Variants in CDH12 observed in about 807,000 individuals in gnomAD.
The protein encoded by CDH12 is cadherin 12.
CDH12 carries 41 observed loss-of-function variants against 74.1 expected under a neutral mutation model. The ratio of observed to expected loss-of-function variants is 0.55; its 90% CI spans 0.43 to 0.72. The LOEUF (loss-of-function observed/expected upper bound fraction) is 0.72, where lower values mean the gene tolerates loss of function less well. CDH12 is among the 30% of genes least tolerant of loss of function. The probability of loss-of-function intolerance (pLI) is 0.00; values close to 1 mark genes in which losing one functional copy is unlikely to be tolerated. For synonymous variants in CDH12, 399 were observed against 355.0 expected (o/e 1.12, Z -1.39); for missense variants, 945 against 977.2 (o/e 0.97, Z 0.44).
chr5:22,541,699 C>T lies in CDH12; in HGVS notation c.-522-36335G>A, dbSNP rs551409516. ...CATTTTTAAAATCTCCACAAGTATA[C>T]CTTTCAAAATACATTTGCCTCCAGA... On this transcript the variant is annotated intron_variant, in intron 1 of 14. Transcript: ENST00000382254. Among the ~76,000 whole-genome samples, 3 of 152,284 alleles carry T rather than the reference C, an allele frequency of 2.0e-5. No individual in the cohort carries two copies. In the South Asian group the frequency reaches 6.2e-4, roughly 32 times the overall value.
intron 11 of CDH12, among the ~76,000 whole-genome samples, chr5:21,780,619 C>A (rs1745853422): frequency 6.6e-6 from 1 of 152,130 alleles, no homozygotes; most frequent in Non-Finnish European, 1.5e-5. Context: ...ACTGAATAAT[C>A]TTTTATTATG....
intron 4 of CDH12, among the ~76,000 whole-genome samples, chr5:22,188,258 C>G (rs537814845): frequency 1.3e-5 from 2 of 152,058 alleles, no homozygotes; most frequent in Non-Finnish European, 2.9e-5. Context: ...TGTAATAGAG[C>G]CAGTGTGCCC....
At chr5:22,162,545 G>C (rs1242723632) in intron 4 of CDH12, among the ~76,000 whole-genome samples, 1 of 152,188 alleles carries the variant, frequency 6.6e-6, no homozygotes, top group Non-Finnish European at 1.5e-5. Flanking sequence ...GTGTTGACCA[G>C]GCAGGCGTAA....
At chr5:22,411,375 A>C (rs1743162696) in intron 2 of CDH12, among the ~76,000 whole-genome samples, 1 of 151,912 alleles carries the variant, frequency 6.6e-6, no homozygotes, top group African/African-American at 2.4e-5. Flanking sequence ...CCCTGAAGTC[A>C]TTTACTTAAA....
chr5:22,756,500 A>G (rs1054118896), intron 1 of CDH12, among the ~76,000 whole-genome samples: 3 of 152,212 alleles, frequency 2.0e-5, no homozygotes, highest in African/African-American at 7.2e-5. Context: ...GAATATTAAA[A>G]AGAGAATATT....
At chr5:22,075,040 G>A (rs921935988) in intron 5 of CDH12, among the ~76,000 whole-genome samples, 19 of 152,088 alleles carry the variant, frequency 1.2e-4, no homozygotes, top group Non-Finnish European at 2.5e-4. Flanking sequence ...ATTCACAATA[G>A]CAAAGACTTG....
chr5:21,876,654 G>C (rs975564157), intron 6 of CDH12, among the ~76,000 whole-genome samples: 2 of 152,078 alleles, frequency 1.3e-5, no homozygotes, highest in African/African-American at 4.8e-5. Flanking sequence ...ATATTTAATA[G>C]TCCAAATGTT....
chr5:22,474,359 A>C lies in CDH12; in HGVS notation c.-428+30911T>G, dbSNP rs557342025. Among the ~76,000 whole-genome samples the C allele has an allele frequency of 1.3e-4, 20 of 152,308 alleles. No homozygotes were observed. In the South Asian group the frequency reaches 4.1e-3, roughly 32 times the overall value. ...ACACATGATGTCAGGGGAGTCAACC[A>C]AGAAAAACTGCAGAAATTAGACCAC... On this transcript the variant is annotated intron_variant, in intron 2 of 14. Coordinates refer to ENST00000382254, the MANE Select transcript of CDH12 (RefSeq NM_004061.5).
Position 22,649,279 on chromosome 5 carries a change from A to C in CDH12, c.-522-143915T>G, listed in dbSNP as rs75113258. On this transcript the variant is annotated intron_variant, in intron 1 of 14. Transcript: ENST00000382254. ...TTATTATGAATAGGCTTTGTTATTT[A>C]CCCTTACTTTTCCTTTTGTGAACTG... Among the ~76,000 whole-genome samples, 47 of 152,144 alleles carry C rather than the reference A, an allele frequency of 3.1e-4. 1 individual carries two copies. The East Asian group carries it at 8.9e-3, about 29-fold the overall frequency.
intron 3 of CDH12, among the ~76,000 whole-genome samples, chr5:22,226,646 G>A (rs906641740): frequency 2.0e-5 from 3 of 152,080 alleles, no homozygotes; most frequent in Non-Finnish European, 4.4e-5. Flanking sequence ...GATAACAAAT[G>A]GGTGTCCCAT....
At chr5:22,246,114 T>G (rs1752936756) in intron 3 of CDH12, among the ~76,000 whole-genome samples, 1 of 152,138 alleles carries the variant, frequency 6.6e-6, no homozygotes, top group African/African-American at 2.4e-5. Context: ...TACAACAAAA[T>G]TATACAGTGG....
chr5:22,832,085 A>G lies in CDH12; in HGVS notation c.-523+20973T>C, dbSNP rs990372586. On this transcript the variant is annotated intron_variant, in intron 1 of 14. Coordinates refer to ENST00000382254, the MANE Select transcript of CDH12 (RefSeq NM_004061.5). Reference sequence around the variant, plus strand: ...GTTATTACTGACTAGAATAAAAATAAAAAAAGTTATAAATCATATCTAAAA... The same window carrying G: ...GTTATTACTGACTAGAATAAAAATAGAAAAAGTTATAAATCATATCTAAAA... Among the ~76,000 whole-genome samples, 3 of 152,164 alleles carry G rather than the reference A, an allele frequency of 2.0e-5. No individual in the cohort carries two copies. The East Asian group carries it at 5.8e-4, about 29-fold the overall frequency.
At chr5:22,154,453 A>AG (rs1747865100) in intron 4 of CDH12, among the ~76,000 whole-genome samples, 1 of 1,078 alleles carries the variant, frequency 9.3e-4, no homozygotes, top group Admixed American at 0.021. Flanking sequence ...ACACATATAT[A>AG]TGTACACATA....
At chr5:22,051,790 G>C (rs1027682409) in intron 5 of CDH12, among the ~76,000 whole-genome samples, 3 of 151,814 alleles carry the variant, frequency 2.0e-5, no homozygotes, top group African/African-American at 7.3e-5. Flanking sequence ...ACTAAAAGGG[G>C]AGTGAAAAGA....
chr5:22,779,197 A>T (rs953768616), intron 1 of CDH12, among the ~76,000 whole-genome samples: 1 of 152,138 alleles, frequency 6.6e-6, no homozygotes, highest in Non-Finnish European at 1.5e-5. Flanking sequence ...TAGCACTTTG[A>T]TGTTTATCAA....
chr5:22,394,927 C>T (rs994716348), intron 3 of CDH12, among the ~76,000 whole-genome samples: 19 of 151,860 alleles, frequency 1.3e-4, no homozygotes, highest in African/African-American at 4.4e-4. Flanking sequence ...CCAAGTATGC[C>T]GGGATAGGTT....
At chr5:22,115,546 G>C (rs981374315) in intron 4 of CDH12, among the ~76,000 whole-genome samples, 1 of 152,108 alleles carries the variant, frequency 6.6e-6, no homozygotes, top group African/African-American at 2.4e-5. Context: ...ATTGGCTATA[G>C]TATTATGTGA....
In CDH12 at chr5:21,901,634, G is replaced by A. The variant is rs148962885; in HGVS notation, c.527-46844C>T. 2.5e-3 allele frequency among the ~76,000 whole-genome samples: 374 copies of A among 152,040 alleles called. 2 individuals carry two copies. Among genetic ancestry groups the A allele is most frequent in the African/African-American group, 5.6e-3 (234 of 41,482 alleles). On this transcript the variant is annotated intron_variant, in intron 6 of 14. Coordinates refer to ENST00000382254, the MANE Select transcript of CDH12 (RefSeq NM_004061.5). ...CATCACATTTTGGCAAACAACCACC[G>A]CCACATCTCTCTGGATACTGGCTTT...
At chr5:21,841,153 A>G (rs1237601660) in intron 8 of CDH12, among the ~76,000 whole-genome samples, 3 of 152,138 alleles carry the variant, frequency 2.0e-5, no homozygotes, top group African/African-American at 7.2e-5. Context: ...ACTCAAACAA[A>G]TTTACAAGAA....
Sources: gnomAD v4.1 joint callset for allele counts (sites outside exome capture counted in the v4.1 genomes callset) on GRCh38, gnomAD v4.1.1 for gene constraint, MANE v1.5 for transcripts, NCBI Gene and HGNC (gene_info 2026-07-23, HGNC 2026-07-21) for gene names.